STIM1: variants seen among roughly 807,000 people sequenced by gnomAD.
The protein encoded by STIM1 is stromal interaction molecule 1.
A neutral mutation model predicts 74.7 loss-of-function variants in STIM1; 25 were observed. The ratio of observed to expected loss-of-function variants is 0.33; its 90% CI spans 0.24 to 0.47. STIM1 has a LOEUF of 0.47. STIM1 is among the 20% of genes least tolerant of loss of function. The pLI is 1.00. For missense variants in STIM1, 728 were observed against 920.8 expected, an observed-to-expected ratio of 0.79 and a Z score of 2.71; for synonymous variants, 328 against 348.8, an observed-to-expected ratio of 0.94 and a Z score of 0.66.
chr11:3,955,257 A>G (rs2093197009), intron 1 of STIM1, among the ~76,000 whole-genome samples: 2 of 152,196 alleles, frequency 1.3e-5, no homozygotes, highest in Admixed American at 1.3e-4. Flanking sequence ...AAGTAGGAAT[A>G]TTCTGGGGTG....
At chr11:3,863,540 G>A (rs1426441966) in intron 1 of STIM1, among the ~76,000 whole-genome samples, 1 of 152,172 alleles carries the variant, frequency 6.6e-6, no homozygotes, top group Non-Finnish European at 1.5e-5. Context: ...TTACAGGCAT[G>A]AGCCACTGTG....
At chr11:3,993,263 CTT>C (rs962602240) in intron 2 of STIM1, among the ~76,000 whole-genome samples, 1 of 152,194 alleles carries the variant, frequency 6.6e-6, no homozygotes, top group Non-Finnish European at 1.5e-5. Flanking sequence ...CCTTCATACT[CTT>C]TTATATTCCT....
intron 3 of STIM1, among the ~76,000 whole-genome samples, chr11:4,031,378 A>G (rs528649663): frequency 9.8e-5 from 15 of 152,316 alleles, no homozygotes; most frequent in African/African-American, 3.1e-4. Flanking sequence ...GTCTGTATGG[A>G]CATATATTTT....
intron 2 of STIM1, among the ~76,000 whole-genome samples, chr11:3,984,894 A>ATTT (rs1211661908): frequency 1.3e-5 from 2 of 152,210 alleles, no homozygotes; most frequent in Non-Finnish European, 2.9e-5. Context: ...TAAGGGCTGT[A>ATTT]ATGGTAGTAT....
chr11:4,092,616 A>G lies in STIM1; in HGVS notation c.*818A>G, dbSNP rs1476058651. 1 of 152,308 alleles carries G rather than the reference A, an allele frequency of 6.6e-6. No individual in the cohort carries two copies. Among genetic ancestry groups the G allele is most frequent in the East Asian group, 1.9e-4 (1 of 5,158 alleles). 9.4% of individuals were successfully genotyped at this position (152,308 alleles called of 1,614,324 possible). On this transcript the variant is annotated 3_prime_UTR_variant, in exon 13 of 13. Transcript: ENST00000526596. Reference sequence around the variant, plus strand: ...ATTTGTCTCTAAGAGGTGCTGCCCCAAAGCTCCCCAAGCATCAATACTCCT... The same window carrying G: ...ATTTGTCTCTAAGAGGTGCTGCCCCGAAGCTCCCCAAGCATCAATACTCCT...
intron 1 of STIM1, among the ~76,000 whole-genome samples, chr11:3,879,994 T>A (rs1298293377): frequency 6.6e-6 from 1 of 152,158 alleles, no homozygotes; most frequent in Admixed American, 6.5e-5. Flanking sequence ...TTATGAATGG[T>A]CAGAACACAC....
intron 1 of STIM1, among the ~76,000 whole-genome samples, chr11:3,958,985 A>G (rs1167866133): frequency 6.7e-6 from 1 of 150,070 alleles, no homozygotes; most frequent in Non-Finnish European, 1.5e-5. Flanking sequence ...ATTTCTGGCC[A>G]GAGCGTCCAT....
At chr11:3,896,964 A>G (rs1254861390) in intron 1 of STIM1, among the ~76,000 whole-genome samples, 1 of 152,244 alleles carries the variant, frequency 6.6e-6, no homozygotes, top group Non-Finnish European at 1.5e-5. Context: ...AGCTTGACAC[A>G]TAATAAGCTC....
chr11:4,088,906 C>T, intron 12 of STIM1: 1 of 682,952 alleles, frequency 1.5e-6, no homozygotes, highest in Non-Finnish European at 2.5e-6. Flanking sequence ...CTTTGGCAGT[C>T]CCAACTTTTA....
At chr11:4,014,299 C>T (rs1254365116) in intron 2 of STIM1, among the ~76,000 whole-genome samples, 2 of 152,256 alleles carry the variant, frequency 1.3e-5, no homozygotes, top group African/African-American at 4.8e-5. Context: ...GCCTTCATTT[C>T]GTTATTTATC....
chr11:4,047,820 C>CTT (rs551025610), intron 3 of STIM1, among the ~76,000 whole-genome samples: 2,342 of 133,030 alleles, frequency 0.018, 84 homozygotes, highest in African/African-American at 0.059. Context: ...ACCTGTCTCT[C>CTT]TTTTTTTTTT....
chr11:4,059,201 T>C (rs1024684793), intron 4 of STIM1, 80 bp from the exon 5 acceptor site: 15 of 1,226,086 alleles, frequency 1.2e-5, no homozygotes, highest in Non-Finnish European at 1.7e-5. Context: ...GAAGTGTTCC[T>C]GGGGGAGGCG....
intron 12 of STIM1, chr11:4,086,877 CTT>C (rs2094497093): frequency 6.6e-7 from 1 of 1,523,528 alleles, no homozygotes; most frequent in African/African-American, 1.4e-5. Context: ...AGCTGTCTCT[CTT>C]TTCTTTCTTC....
chr11:3,874,696 T>A (rs2091252651), intron 1 of STIM1, among the ~76,000 whole-genome samples: 1 of 152,372 alleles, frequency 6.6e-6, no homozygotes, highest in African/African-American at 2.4e-5. Context: ...CTAATCTGTC[T>A]GATATTTAAG....
At chr11:4,058,843 G>GTGAGTTTAGATTAGGATAATTCA (rs2094310430) in intron 4 of STIM1, 1 of 1,020,216 alleles carries the variant, frequency 9.8e-7, no homozygotes, top group Non-Finnish European at 1.2e-6. Flanking sequence ...TATAATGACA[G>GTGAGTTTAGATTAGGATAATTCA]TGAGTTTAGA....
At chr11:4,060,607 G>C (rs970872183) in intron 5 of STIM1, among the ~76,000 whole-genome samples, 13 of 152,136 alleles carry the variant, frequency 8.5e-5, no homozygotes, top group Non-Finnish European at 5.9e-5. Context: ...TAACGACACA[G>C]TGAATGGTTC....
At chr11:4,078,156 T>A (rs1405357676) in intron 7 of STIM1, among the ~76,000 whole-genome samples, 1 of 152,206 alleles carries the variant, frequency 6.6e-6, no homozygotes, top group African/African-American at 2.4e-5. Flanking sequence ...TTTTCCCCCT[T>A]TCTTTTGTGA....
intron 2 of STIM1, among the ~76,000 whole-genome samples, chr11:3,991,979 A>AC (rs2093617718): frequency 6.7e-6 from 1 of 149,406 alleles, no homozygotes; most frequent in South Asian, 2.1e-4. Context: ...AAAAGAAAAA[A>AC]AAAAAAAATC....
At chr11:4,049,076 A>G (rs1321400237) in intron 3 of STIM1, among the ~76,000 whole-genome samples, 1 of 152,228 alleles carries the variant, frequency 6.6e-6, no homozygotes, top group Non-Finnish European at 1.5e-5. Context: ...CTATTCATTA[A>G]AAACATCACA....
Sources: gnomAD v4.1 joint callset for allele counts (sites outside exome capture counted in the v4.1 genomes callset) on GRCh38, gnomAD v4.1.1 for gene constraint, MANE v1.5 for transcripts, NCBI Gene and HGNC (gene_info 2026-07-23, HGNC 2026-07-21) for gene names.